Variants in PAPPA observed in about 807,000 individuals in gnomAD.
The protein encoded by PAPPA is pappalysin 1, also known as pappalysin-1.
PAPPA carries 60 observed loss-of-function variants against 164.0 expected under a neutral mutation model. The observed-to-expected ratio is 0.37, with a 90% CI of 0.30 to 0.45. PAPPA has a LOEUF of 0.45. Among genes scored for constraint, PAPPA ranks in the 20% least tolerant of loss-of-function variants. The pLI is 1.00. For synonymous variants in PAPPA, 875 were observed against 814.1 expected, an observed-to-expected ratio of 1.07 and a Z score of -1.27; for missense variants, 1,782 against 2,087.3, an observed-to-expected ratio of 0.85 and a Z score of 2.85.
intron 17 of PAPPA, among the ~76,000 whole-genome samples, chr9:116,361,724 G>A (rs901174579): frequency 7.9e-5 from 12 of 152,170 alleles, no homozygotes; most frequent in Admixed American, 2.6e-4. Context: ...GACATGGCTG[G>A]TGGATCACAT....
rs1462769940 is a variant in PAPPA, at chr9:116,362,685, C to A, written c.4441C>A (p.Pro1481Thr). The A allele has an allele frequency of 6.2e-7, 1 of 1,613,898 alleles. No homozygotes were observed. Among genetic ancestry groups the A allele is most frequent in the Non-Finnish European group, 8.5e-7 (1 of 1,179,972 alleles). ...GGAGATGCAAGGCCAGTGCTCGGTTCCAAACGAGCTCAACAGCAACCTCAA... is the reference window on the plus strand; with the variant it reads ...GGAGATGCAAGGCCAGTGCTCGGTTACAAACGAGCTCAACAGCAACCTCAA... The part of the protein sequence containing the change: ...CQEMQGQCSV[P>T]NELNSNLKLQ... Residue 1481 changes from proline (P) to threonine (T), a missense_variant, in exon 18 of 22, where the codon CCA becomes ACA. Physicochemically the swap from Pro to Thr is conservative, Grantham distance 38 (BLOSUM62 -1). Coordinates refer to ENST00000328252, the MANE Select transcript of PAPPA (RefSeq NM_002581.5).
intron 18 of PAPPA, among the ~76,000 whole-genome samples, chr9:116,366,295 C>T (rs1564243462): frequency 6.6e-6 from 1 of 152,116 alleles, no homozygotes; most frequent in African/African-American, 2.4e-5. Flanking sequence ...AGCTGAATTA[C>T]AGTCAACTTG....
chr9:116,375,059 C>G (rs115378933), intron 19 of PAPPA, among the ~76,000 whole-genome samples: 2 of 152,180 alleles, frequency 1.3e-5, no homozygotes, highest in African/African-American at 4.8e-5. Context: ...GAAATTGGTA[C>G]TAGGTTTACC....
At chr9:116,310,547 C>A (rs1002947687) in intron 10 of PAPPA, among the ~76,000 whole-genome samples, 22 of 152,090 alleles carry the variant, frequency 1.4e-4, no homozygotes, top group African/African-American at 4.8e-4. Context: ...ACTATAACCA[C>A]CCCCAAAACT....
intron 6 of PAPPA, among the ~76,000 whole-genome samples, chr9:116,231,671 ATGGATGGATGGATG>A (rs1844594682): frequency 3.2e-5 from 1 of 31,390 alleles, no homozygotes; most frequent in African/African-American, 1.4e-4. Context: ...GGATGGATGG[ATGGATGGATGGATG>A]GATGGATGGA....
intron 15 of PAPPA, among the ~76,000 whole-genome samples, chr9:116,350,566 C>A (rs1464371692): frequency 6.6e-6 from 1 of 152,156 alleles, no homozygotes; most frequent in African/African-American, 2.4e-5. Flanking sequence ...AAAACCACGA[C>A]TTTCACTTCA....
chr9:116,159,187 T>C (rs1393264070), intron 1 of PAPPA, among the ~76,000 whole-genome samples: 2 of 152,234 alleles, frequency 1.3e-5, no homozygotes, highest in Non-Finnish European at 2.9e-5. Flanking sequence ...AGTCACTTCA[T>C]CCATCTCTTC....
intron 10 of PAPPA, among the ~76,000 whole-genome samples, chr9:116,328,849 G>A (rs1373721319): frequency 2.6e-5 from 4 of 152,130 alleles, no homozygotes; most frequent in Non-Finnish European, 4.4e-5. Context: ...TAAACTAAGG[G>A]CCAAAAGACA....
chr9:116,340,164 C>G (rs773416448), intron 13 of PAPPA, among the ~76,000 whole-genome samples: 1 of 152,134 alleles, frequency 6.6e-6, no homozygotes, highest in Non-Finnish European at 1.5e-5. Flanking sequence ...ATTGACTGCC[C>G]ATCACTGTTA....
intron 10 of PAPPA, among the ~76,000 whole-genome samples, chr9:116,310,201 C>T (rs560971429): frequency 6.6e-6 from 1 of 152,302 alleles, no homozygotes; most frequent in Admixed American, 6.5e-5. Context: ...TCCTTGCCTG[C>T]TCTGCCTGCT....
intron 9 of PAPPA, 60 bp from the exon 10 acceptor site, chr9:116,302,697 G>A: frequency 7.0e-7 from 1 of 1,427,732 alleles, no homozygotes; most frequent in Non-Finnish European, 9.7e-7. Flanking sequence ...GCTGATGATT[G>A]CTGAGGCCAA....
chr9:116,347,287 G>C lies in PAPPA; in HGVS notation c.3964+78G>C. On this transcript the variant is annotated intron_variant, in intron 15 of 21. Coordinates refer to ENST00000328252, the MANE Select transcript of PAPPA (RefSeq NM_002581.5). This position sits in a 1 kb window ranked among gnomAD's most constrained non-coding sequence, Gnocchi z 4.5. Reference sequence around the variant, plus strand: ...GAAGCTGCATCCAGGCCCTCTTTCTGGGTCTCAAACACCAAGGGTGGGATG... The same window carrying C: ...GAAGCTGCATCCAGGCCCTCTTTCTCGGTCTCAAACACCAAGGGTGGGATG... The C allele has an allele frequency of 7.5e-7, 1 of 1,330,660 alleles. No homozygotes were observed. Among genetic ancestry groups the C allele is most frequent in the East Asian group, 2.4e-5 (1 of 42,254 alleles). 82.4% of individuals were successfully genotyped at this position (1,330,660 alleles called of 1,614,324 possible).
At chr9:116,227,575 C>G in intron 6 of PAPPA, 23 bp downstream of exon 6, 1 of 1,613,052 alleles carries the variant, frequency 6.2e-7, no homozygotes, top group Non-Finnish European at 8.5e-7. Flanking sequence ...TCTGGAAGCT[C>G]ATTGACAGGA....
chr9:116,154,344 T>TCGCCGCCGC lies in PAPPA; in HGVS notation c.187_195dup (p.Pro63_Pro65dup), dbSNP rs554355760. 5 of 825,742 alleles carry TCGCCGCCGC rather than the reference T, an allele frequency of 6.1e-6. No homozygotes were observed. The highest frequency in any genetic ancestry group is 6.5e-5 in the Admixed American group (1 of 15,482). 51.2% of individuals were successfully genotyped at this position (825,742 alleles called of 1,614,324 possible). ...CCGGGCGGCCCGCGGCCGCCGCGCC[T>TCGCCGCCGC]CGCCGCCGCCGCCGCCGCCGCCGGG... On this transcript the variant is annotated inframe_insertion, in exon 1 of 22. Coordinates refer to ENST00000328252, the MANE Select transcript of PAPPA (RefSeq NM_002581.5). The surrounding 1 kb of genome is among the most constrained non-coding windows in gnomAD (Gnocchi z 5.2).
At chr9:116,267,875 C>G in intron 8 of PAPPA, among the ~76,000 whole-genome samples, 1 of 102,906 alleles carries the variant, frequency 9.7e-6, no homozygotes, top group East Asian at 3.2e-4. Flanking sequence ...GAGCGAGACT[C>G]CGTCTCAAAA....
chr9:116,328,415 C>T (rs1313014850), intron 10 of PAPPA, among the ~76,000 whole-genome samples: 1 of 152,320 alleles, frequency 6.6e-6, no homozygotes, highest in East Asian at 1.9e-4. Context: ...CCTTAGCCTC[C>T]TCAGTGTGAG....
intron 21 of PAPPA, among the ~76,000 whole-genome samples, chr9:116,390,794 C>A (rs1846881143): frequency 6.6e-6 from 1 of 152,088 alleles, no homozygotes; most frequent in African/African-American, 2.4e-5. Context: ...GCCCTTCTAT[C>A]CCAAAAACTT....
intron 1 of PAPPA, among the ~76,000 whole-genome samples, chr9:116,174,105 C>T (rs1362329151): frequency 6.6e-6 from 1 of 152,110 alleles, no homozygotes; most frequent in Non-Finnish European, 1.5e-5. Context: ...AATAATATTT[C>T]CCTGCTTGCA....
At chr9:116,284,225 C>T (rs953608214) in intron 9 of PAPPA, among the ~76,000 whole-genome samples, 6 of 152,036 alleles carry the variant, frequency 3.9e-5, no homozygotes, top group African/African-American at 1.2e-4. Flanking sequence ...GACCTGTCCC[C>T]GGAAGAGATT....
Sources: gnomAD v4.1 joint callset for allele counts (sites outside exome capture counted in the v4.1 genomes callset) on GRCh38, gnomAD v4.1.1 for gene constraint, Gnocchi (gnomAD v3.1) non-coding constraint, MANE v1.5 for transcripts, NCBI Gene and HGNC (gene_info 2026-07-23, HGNC 2026-07-21) for gene names.